ARHGAP44: variants seen among roughly 807,000 people sequenced by gnomAD.
ARHGAP44 encodes the protein rho GTPase-activating protein 44.
In ARHGAP44, 43 loss-of-function variants were observed where a neutral mutation model predicts 106.8. The observed-to-expected ratio is 0.40, with a 90% CI of 0.32 to 0.52. The LOEUF is 0.52. Ranked by LOEUF, ARHGAP44 falls within the 20% of genes least tolerant of loss-of-function variation. The pLI is 0.48. For missense variants in ARHGAP44, 866 were observed against 1,050.5 expected, an observed-to-expected ratio of 0.82 and a Z score of 2.43; for synonymous variants, 439 against 410.3, an observed-to-expected ratio of 1.07 and a Z score of -0.85.
At chr17:12,817,451 AG>A (rs1383648189) in intron 1 of ARHGAP44, among the ~76,000 whole-genome samples, 1 of 152,040 alleles carries the variant, frequency 6.6e-6, no homozygotes, top group Non-Finnish European at 1.5e-5. Context: ...CAGTAATATA[AG>A]GTTCTACCTT....
intron 16 of ARHGAP44, among the ~76,000 whole-genome samples, chr17:12,964,485 G>C (rs1008495359): frequency 6.6e-6 from 1 of 152,170 alleles, no homozygotes; most frequent in Middle Eastern, 3.4e-3. Flanking sequence ...CCAGAGGCAA[G>C]AATAGAAGCG....
At chr17:12,835,165 A>G (rs2035199312) in intron 1 of ARHGAP44, among the ~76,000 whole-genome samples, 1 of 152,316 alleles carries the variant, frequency 6.6e-6, no homozygotes, top group Non-Finnish European at 1.5e-5. Context: ...TTAATTTAGA[A>G]TGTTCGTATC....
chr17:12,846,052 T>A (rs1466340200), intron 1 of ARHGAP44, among the ~76,000 whole-genome samples: 1 of 123,664 alleles, frequency 8.1e-6, no homozygotes, highest in African/African-American at 5.6e-5. Context: ...AACTCTGTTT[T>A]TCACCGTTAT....
chr17:12,821,195 C>T (rs1209402969), intron 1 of ARHGAP44, among the ~76,000 whole-genome samples: 4 of 152,142 alleles, frequency 2.6e-5, no homozygotes, highest in African/African-American at 9.7e-5. Flanking sequence ...GACAGTTGTG[C>T]AACTCAGCAA....
At chr17:12,868,686 T>G (rs2036313688) in intron 1 of ARHGAP44, among the ~76,000 whole-genome samples, 2 of 149,104 alleles carry the variant, frequency 1.3e-5, no homozygotes, top group Admixed American at 6.7e-5. Context: ...AGACGGAGTT[T>G]TGCTCTGTCA....
At chr17:12,913,650 ACGCCTGT>A (rs2037805296) in intron 4 of ARHGAP44, among the ~76,000 whole-genome samples, 2 of 146,760 alleles carry the variant, frequency 1.4e-5, no homozygotes, top group African/African-American at 5.1e-5. Context: ...GCAGTGGCTC[ACGCCTGT>A]AATCCTAACA....
At chr17:12,914,228 T>A (rs1255986110) in intron 4 of ARHGAP44, among the ~76,000 whole-genome samples, 5 of 152,112 alleles carry the variant, frequency 3.3e-5, no homozygotes, top group Non-Finnish European at 7.4e-5. Flanking sequence ...CAGAAGGAGA[T>A]AATAATTTGT....
chr17:12,789,778 G>A lies in ARHGAP44; in HGVS notation c.-61G>A, dbSNP rs1044742362. ...CGCGCGGGAGCCATGTAACCCTGCG[G>A]CGGGCTCCGGGCTGCTCCGTCCTTC... On this transcript the variant is annotated 5_prime_UTR_variant, in exon 1 of 21. Coordinates refer to ENST00000379672, the MANE Select transcript of ARHGAP44 (RefSeq NM_014859.6). 43 of 1,419,336 alleles carry A rather than the reference G, an allele frequency of 3.0e-5. No homozygotes were observed. The highest frequency in any genetic ancestry group is 4.0e-5 in the Non-Finnish European group (43 of 1,082,730). The allele number at this position is 1,419,336 out of a possible 1,614,324, so 87.9% of individuals were successfully genotyped here.
At chr17:12,806,246 G>T (rs1366064584) in intron 1 of ARHGAP44, among the ~76,000 whole-genome samples, 1 of 152,134 alleles carries the variant, frequency 6.6e-6, no homozygotes, top group African/African-American at 2.4e-5. Flanking sequence ...GTGGGGGCTT[G>T]GAAGAAAGTC....
intron 1 of ARHGAP44, among the ~76,000 whole-genome samples, chr17:12,867,617 A>G (rs1272886006): frequency 2.0e-5 from 3 of 152,192 alleles, no homozygotes; most frequent in Non-Finnish European, 4.4e-5. Flanking sequence ...TAAGGACAGT[A>G]CCCAGAACAT....
At chr17:12,880,629 A>C (rs943187238) in intron 1 of ARHGAP44, among the ~76,000 whole-genome samples, 5 of 151,602 alleles carry the variant, frequency 3.3e-5, no homozygotes, top group African/African-American at 1.2e-4. Flanking sequence ...CAATTTCTTT[A>C]TTCTCCTCTC....
intron 3 of ARHGAP44, among the ~76,000 whole-genome samples, chr17:12,903,140 A>AGTGTGTGTGTGT (rs546197652): frequency 3.1e-4 from 18 of 57,594 alleles, no homozygotes; most frequent in Admixed American, 1.8e-3. Flanking sequence ...AGAGAGAGAG[A>AGTGTGTGTGTGT]GTGTGTGTGT....
At chr17:12,890,870 C>T (rs1204930280) in intron 1 of ARHGAP44, among the ~76,000 whole-genome samples, 1 of 152,168 alleles carries the variant, frequency 6.6e-6, no homozygotes, top group Non-Finnish European at 1.5e-5. Flanking sequence ...TTAGAAATTT[C>T]TTCCACCATG....
chr17:12,815,861 C>G (rs1050211212), intron 1 of ARHGAP44, among the ~76,000 whole-genome samples: 1 of 152,090 alleles, frequency 6.6e-6, no homozygotes, highest in Non-Finnish European at 1.5e-5. Context: ...AGGAAGAGAA[C>G]CAAGTACAGA....
chr17:12,859,193 G>T (rs1045060250), intron 1 of ARHGAP44, among the ~76,000 whole-genome samples: 1 of 152,162 alleles, frequency 6.6e-6, no homozygotes, highest in Non-Finnish European at 1.5e-5. Flanking sequence ...AACATAAGGA[G>T]AATGCCATCT....
At chr17:12,902,546 A>G (rs536441832) in intron 3 of ARHGAP44, among the ~76,000 whole-genome samples, 1 of 152,324 alleles carries the variant, frequency 6.6e-6, no homozygotes, top group Admixed American at 6.5e-5. Context: ...CGTGCCTAAA[A>G]AAGAGCCTGC....
At chr17:12,791,825 T>G (rs574110129) in intron 1 of ARHGAP44, among the ~76,000 whole-genome samples, 9 of 152,316 alleles carry the variant, frequency 5.9e-5, no homozygotes, top group African/African-American at 2.2e-4. Flanking sequence ...TATGGATGAA[T>G]TCTGCCTTTC....
chr17:12,959,010 T>C, intron 16 of ARHGAP44, 113 bp downstream of exon 16: 3 of 1,256,542 alleles, frequency 2.4e-6, no homozygotes, highest in Non-Finnish European at 3.4e-6. Context: ...CTCTCAGCAG[T>C]TTAGGTGACT....
At chr17:12,932,609 T>G (rs1236437851) in intron 7 of ARHGAP44, among the ~76,000 whole-genome samples, 1 of 152,206 alleles carries the variant, frequency 6.6e-6, no homozygotes, top group Non-Finnish European at 1.5e-5. Flanking sequence ...TCTTTAATTT[T>G]ATGTTAATGT....
Sources: gnomAD v4.1 joint callset for allele counts (sites outside exome capture counted in the v4.1 genomes callset) on GRCh38, gnomAD v4.1.1 for gene constraint, MANE v1.5 for transcripts, NCBI Gene and HGNC (gene_info 2026-07-23, HGNC 2026-07-21) for gene names.